CCR3: variants seen among roughly 807,000 people sequenced by gnomAD.
The protein encoded by CCR3 is C-C motif chemokine receptor 3.
For synonymous variants in CCR3, 203 were observed against 179.2 expected, an observed-to-expected ratio of 1.13 and a Z score of -1.06; for missense variants, 419 against 437.5, an observed-to-expected ratio of 0.96 and a Z score of 0.38.
intron 1 of CCR3, 65 bp downstream of exon 1, chr3:46,242,603 T>G (rs1326696422): frequency 6.6e-6 from 1 of 151,090 alleles, no homozygotes; most frequent in Non-Finnish European, 1.5e-5. Context: ...GTGGAAGTAG[T>G]AACTTCCAGC....
chr3:46,213,369 G>A (rs148890527), intron 2 of CCR3, among the ~76,000 whole-genome samples: 2 of 152,324 alleles, frequency 1.3e-5, no homozygotes, highest in East Asian at 3.9e-4. Context: ...CAAAATAGAA[G>A]CTGTAAAGCA....
rs546601069 is a variant in CCR3, at chr3:46,245,739, T to G, written c.-12+3201T>G. ...CTCTCAAGTAGACCCCTGTGTCTGT[T>G]GTTCTCTTCTTTGTGTTCATGAGTT... On this transcript the variant is annotated intron_variant, in intron 1 of 1. Coordinates refer to ENST00000395940, the MANE Select transcript of CCR3 (RefSeq NM_178329.3). Among the ~76,000 whole-genome samples the G allele has an allele frequency of 1.5e-3, 220 of 144,854 alleles. 1 individual carries two copies. Among genetic ancestry groups the G allele is most frequent in the East Asian group, 6.4e-3 (30 of 4,720 alleles).
At chr3:46,238,528 G>A (rs1024525364), upstream of CCR3, among the ~76,000 whole-genome samples, 1 of 152,168 alleles carries the variant, frequency 6.6e-6, no homozygotes, top group Non-Finnish European at 1.5e-5. Context: ...TCCACCACAA[G>A]GGGATCAGGG....
At chr3:46,219,172 T>C (rs1188816647) in intron 2 of CCR3, among the ~76,000 whole-genome samples, 5 of 152,184 alleles carry the variant, frequency 3.3e-5, no homozygotes, top group African/African-American at 9.7e-5. Context: ...GTAGCACTGC[T>C]ATACACCAAC....
intron 2 of CCR3, among the ~76,000 whole-genome samples, chr3:46,230,529 T>G (rs1442318183): frequency 3.3e-5 from 5 of 152,058 alleles, no homozygotes; most frequent in Admixed American, 6.5e-5. Context: ...CCCCACCATT[T>G]TTTGCTTGTG....
intron 1 of CCR3, chr3:46,264,090 C>T (rs1700574707): frequency 3.2e-6 from 1 of 311,492 alleles, no homozygotes; most frequent in East Asian, 9.8e-5. Context: ...TATTTTCCTC[C>T]TTTTCCACCG....
chr3:46,234,919 C>T (rs1299567644), intron 2 of CCR3, among the ~76,000 whole-genome samples: 1 of 152,202 alleles, frequency 6.6e-6, no homozygotes, highest in African/African-American at 2.4e-5. Context: ...GGTCCACTCA[C>T]CAGGTGGAGG....
At chr3:46,225,960 C>G (rs1699889780) in intron 2 of CCR3, among the ~76,000 whole-genome samples, 1 of 152,154 alleles carries the variant, frequency 6.6e-6, no homozygotes, top group Admixed American at 6.6e-5. Flanking sequence ...CATTTAATGG[C>G]TTTACACCTT....
At chr3:46,212,202 C>T (rs1699722340) in intron 2 of CCR3, among the ~76,000 whole-genome samples, 2 of 152,132 alleles carry the variant, frequency 1.3e-5, no homozygotes, top group South Asian at 4.1e-4. Context: ...CCCTGGTGGT[C>T]ACTGATGCAA....
chr3:46,223,390 A>C (rs1354326362), intron 2 of CCR3, among the ~76,000 whole-genome samples: 1 of 152,220 alleles, frequency 6.6e-6, no homozygotes, highest in African/African-American at 2.4e-5. Flanking sequence ...GGGCTTACAT[A>C]CAGTCTAATA....
At chr3:46,228,469 G>T (rs1326842926) in intron 2 of CCR3, among the ~76,000 whole-genome samples, 1 of 152,004 alleles carries the variant, frequency 6.6e-6, no homozygotes, top group East Asian at 1.9e-4. Flanking sequence ...TGTCTTCCTG[G>T]CCATCTGCCC....
intron 2 of CCR3, among the ~76,000 whole-genome samples, chr3:46,221,185 C>T (rs73833020): frequency 0.094 from 14,238 of 152,184 alleles, 2,072 homozygotes; most frequent in African/African-American, 0.31. Context: ...GCTATTATAT[C>T]AGGCATGTTG....
chr3:46,266,123 T>G lies in CCR3; in HGVS notation c.965T>G (p.Met322Arg). Residue 322 changes from methionine to arginine, a missense_variant, in exon 2 of 2, where the codon ATG becomes AGG. Transcript: ENST00000395940. ...CACTTCTTCCACAGGCACTTGCTCA[T>G]GCACCTGGGCAGATACATCCCATTC... is the stretch of plus-strand genomic sequence containing the variant. ...LRHFFHRHLLMHLGRYIPFLP... is the reference protein window; with the variant it reads ...LRHFFHRHLLRHLGRYIPFLP... The G allele has an allele frequency of 6.2e-7, 1 of 1,614,130 alleles. No individual in the cohort carries two copies. The highest frequency in any genetic ancestry group is 1.1e-5 in the South Asian group (1 of 91,082).
chr3:46,224,361 C>T (rs1295964757), intron 2 of CCR3, among the ~76,000 whole-genome samples: 1 of 152,114 alleles, frequency 6.6e-6, no homozygotes, highest in African/African-American at 2.4e-5. Context: ...CTTTGGGAGG[C>T]TGAGGCAGGC....
chr3:46,258,222 C>G (rs1700463144), intron 1 of CCR3, among the ~76,000 whole-genome samples: 1 of 152,206 alleles, frequency 6.6e-6, no homozygotes, highest in African/African-American at 2.4e-5. Context: ...CAGATCCACC[C>G]TTTGTCAAGT....
At chr3:46,250,724 G>A (rs995451019) in intron 1 of CCR3, among the ~76,000 whole-genome samples, 1 of 152,034 alleles carries the variant, frequency 6.6e-6, no homozygotes, top group African/African-American at 2.4e-5. Context: ...AGGAGAAGAA[G>A]GAGGAATGGA....
intron 2 of CCR3, among the ~76,000 whole-genome samples, chr3:46,228,296 A>T (rs1162974218): frequency 6.6e-6 from 1 of 151,852 alleles, no homozygotes; most frequent in African/African-American, 2.4e-5. Flanking sequence ...ACAAAGAGAA[A>T]TTTTTTTCTC....
At chr3:46,263,954 G>A (rs183781673) in intron 1 of CCR3, 15 of 156,758 alleles carry the variant, frequency 9.6e-5, no homozygotes, top group Admixed American at 1.9e-4. Flanking sequence ...AATGCCCATC[G>A]GCCTGTATAT....
At chr3:46,228,215 ACACCCTGG>A in intron 2 of CCR3, among the ~76,000 whole-genome samples, 1 of 148,400 alleles carries the variant, frequency 6.7e-6, no homozygotes, top group Middle Eastern at 3.4e-3. Flanking sequence ...CTCACTGGGG[ACACCCTGG>A]TCTTTCTTCC....
Sources: gnomAD v4.1 joint callset for allele counts (sites outside exome capture counted in the v4.1 genomes callset) on GRCh38, gnomAD v4.1.1 for gene constraint, MANE v1.5 for transcripts, NCBI Gene and HGNC (gene_info 2026-07-23, HGNC 2026-07-21) for gene names.